Variants in HECW1 observed in about 807,000 individuals in gnomAD.
The protein encoded by HECW1 is HECT, C2 and WW domain containing E3 ubiquitin protein ligase 1.
A neutral mutation model predicts 182.3 loss-of-function variants in HECW1; 61 were observed. That is an observed-to-expected ratio of 0.33 (90% CI 0.27 to 0.41). The LOEUF (loss-of-function observed/expected upper bound fraction) is 0.41. Ranked by LOEUF, HECW1 falls within the 10% of genes least tolerant of loss-of-function variation. The probability of loss-of-function intolerance (pLI) is 1.00; values close to 1 mark genes in which losing one functional copy is unlikely to be tolerated. For missense variants in HECW1, 1,739 were observed against 2,108.9 expected, an observed-to-expected ratio of 0.82 and a Z score of 3.44; for synonymous variants, 859 against 832.6, an observed-to-expected ratio of 1.03 and a Z score of -0.55.
intron 3 of HECW1, among the ~76,000 whole-genome samples, chr7:43,310,146 A>G (rs532167737): frequency 2.8e-4 from 43 of 152,298 alleles, no homozygotes; most frequent in African/African-American, 1.0e-3. Flanking sequence ...AGTATGTGGG[A>G]ACTAAACAAA....
intron 2 of HECW1, among the ~76,000 whole-genome samples, chr7:43,174,883 A>C (rs1476446585): frequency 1.3e-5 from 2 of 152,208 alleles, no homozygotes; most frequent in Non-Finnish European, 2.9e-5. Flanking sequence ...ACTCAGATGG[A>C]ATATACTTAC....
intron 9 of HECW1, among the ~76,000 whole-genome samples, chr7:43,441,503 G>A (rs2076885896): frequency 6.6e-6 from 1 of 152,140 alleles, no homozygotes; most frequent in Admixed American, 6.5e-5. Flanking sequence ...TTGGAAAATG[G>A]CAATCTGCAC....
rs571229567 is a variant in HECW1 at position 43,444,389 on chromosome 7, G to A, written c.1217G>A (p.Gly406Glu). The change falls in exon 11 of 30, where the codon GGG becomes GAG. Residue 406 changes from glycine (G) to glutamate (E), a missense_variant. Gly to Glu is a moderately conservative substitution (Grantham distance 98). Around this residue, in one of 5 missense-constraint regions of HECW1, gnomAD observed 971 missense variants for 1,029.1 expected, o/e 0.94. Coordinates refer to ENST00000395891, the MANE Select transcript of HECW1 (RefSeq NM_015052.5). This position sits in a 1 kb window ranked among gnomAD's most constrained non-coding sequence, Gnocchi z 4.3. The stretch of plus-strand genomic sequence containing the variant: ...GAGGGCAGTGTCCCCGATGGTCCAG[G>A]GAACCAAAGCATAGAGCTTTCCAGA... Reference protein sequence around the residue: ...LGEGSVPDGPGNQSIELSRPA... With the variant: ...LGEGSVPDGPENQSIELSRPA... 7.4e-6 allele frequency: 12 copies of A among 1,614,070 alleles called. No individual in the cohort carries two copies. In the South Asian group the frequency reaches 1.3e-4, roughly 18 times the overall value.
intron 7 of HECW1, among the ~76,000 whole-genome samples, chr7:43,397,624 G>C (rs2075273413): frequency 6.6e-6 from 1 of 152,164 alleles, no homozygotes; most frequent in Non-Finnish European, 1.5e-5. Context: ...ACATTTCAAG[G>C]GTGGGGAGAA....
intron 3 of HECW1, among the ~76,000 whole-genome samples, chr7:43,251,749 T>C (rs1193421532): frequency 1.3e-5 from 2 of 152,226 alleles, no homozygotes; most frequent in East Asian, 3.8e-4. Flanking sequence ...CTTTTCTCCC[T>C]TATACAATTC....
At chr7:43,145,945 C>G (rs542740408) in intron 2 of HECW1, among the ~76,000 whole-genome samples, 1 of 152,126 alleles carries the variant, frequency 6.6e-6, no homozygotes, top group East Asian at 1.9e-4. Flanking sequence ...CTTCCTTGCA[C>G]AGTGGTATGC....
chr7:43,501,424 G>A, intron 21 of HECW1, 102 bp downstream of exon 21: 1 of 637,564 alleles, frequency 1.6e-6, no homozygotes, highest in Non-Finnish European at 2.8e-6. Context: ...CTTTCTCTCG[G>A]CCTTCCCAAT....
intron 15 of HECW1, among the ~76,000 whole-genome samples, chr7:43,467,273 G>A (rs2077818527): frequency 6.6e-6 from 1 of 152,016 alleles, no homozygotes; most frequent in Non-Finnish European, 1.5e-5. Context: ...AGAGTGCTCT[G>A]GGGGCGCCAG....
chr7:43,464,763 C>T lies in HECW1; in HGVS notation c.2791+964C>T, dbSNP rs537500478. 2.0e-5 allele frequency among the ~76,000 whole-genome samples: 3 copies of T among 152,188 alleles called. No individual in the cohort carries two copies. In the South Asian group the frequency reaches 6.2e-4, roughly 32 times the overall value. On this transcript the variant is annotated intron_variant, in intron 14 of 29. Coordinates refer to ENST00000395891, the MANE Select transcript of HECW1 (RefSeq NM_015052.5). Reference sequence around the variant, plus strand: ...AATTTCCCCCTTTCTATTCATTTTACCAGGTATGCTAACTAAACTGACTAG... The same window carrying T: ...AATTTCCCCCTTTCTATTCATTTTATCAGGTATGCTAACTAAACTGACTAG...
At position 43,422,065 on chromosome 7, in the gene HECW1, C is replaced by T. The variant is rs528671035; in HGVS notation, c.801+14334C>T. Reference sequence around the variant, plus strand: ...GAAGAACATCAAACAAACAGTACAGCGAGCTCAGGGTGTTTTCTAATGCTG... The same window carrying T: ...GAAGAACATCAAACAAACAGTACAGTGAGCTCAGGGTGTTTTCTAATGCTG... On this transcript the variant is annotated intron_variant, in intron 8 of 29. Transcript: ENST00000395891. Among the ~76,000 whole-genome samples the T allele has an allele frequency of 2.4e-4, 37 of 152,200 alleles. No homozygotes were observed. The South Asian group carries it at 6.9e-3, about 28-fold the overall frequency.
chr7:43,186,967 A>G (rs1306631876), intron 2 of HECW1, among the ~76,000 whole-genome samples: 1 of 152,226 alleles, frequency 6.6e-6, no homozygotes, highest in Non-Finnish European at 1.5e-5. Flanking sequence ...ACATGAATGT[A>G]TTGATGATTT....
chr7:43,280,525 T>G (rs1214036107), intron 3 of HECW1, among the ~76,000 whole-genome samples: 2 of 152,166 alleles, frequency 1.3e-5, no homozygotes, highest in Non-Finnish European at 2.9e-5. Context: ...TGTCTTTTAT[T>G]TGATGAATTG....
chr7:43,542,129 ATCCAATCTCC>A lies in HECW1; in HGVS notation c.4248+132_4248+141del, dbSNP rs202128652. The A allele has an allele frequency of 4.3e-3, 3,226 of 744,966 alleles. 124 individuals carry two copies. In the East Asian group the frequency reaches 0.079, roughly 18 times the overall value. 46.1% of individuals were successfully genotyped at this position (744,966 alleles called of 1,614,324 possible). A position where few individuals can be genotyped will look rare whatever the true frequency, so the allele number is the denominator to read the frequency against. On this transcript the variant is annotated intron_variant, in intron 26 of 29. Coordinates refer to ENST00000395891, the MANE Select transcript of HECW1 (RefSeq NM_015052.5). ...CTTCAGTATATCCACATTGTTGGCC[ATCCAATCTCC>A]AGAACTTTTTCATCTTGCAAAACAG...
chr7:43,480,705 A>C (rs2152907842), intron 17 of HECW1, among the ~76,000 whole-genome samples: 1 of 150,510 alleles, frequency 6.6e-6, no homozygotes, highest in African/African-American at 2.4e-5. Flanking sequence ...ATACACACAC[A>C]CACACATATA....
intron 15 of HECW1, 140 bp downstream of exon 15, chr7:43,466,708 T>C (rs1336523806): frequency 1.0e-6 from 1 of 983,802 alleles, no homozygotes; most frequent in African/African-American, 1.6e-5. Flanking sequence ...CAGTCCACTC[T>C]TTTGACTATC....
At chr7:43,474,332 C>G (rs2078139895) in intron 16 of HECW1, among the ~76,000 whole-genome samples, 1 of 152,078 alleles carries the variant, frequency 6.6e-6, no homozygotes, top group Non-Finnish European at 1.5e-5. Context: ...GCCTGTAGTC[C>G]CAGCTACTCG....
chr7:43,168,671 T>G (rs917205781), intron 2 of HECW1, among the ~76,000 whole-genome samples: 10 of 151,736 alleles, frequency 6.6e-5, no homozygotes, highest in Non-Finnish European at 1.0e-4. Context: ...AAAATAATAA[T>G]AAGAATAATA....
intron 2 of HECW1, among the ~76,000 whole-genome samples, chr7:43,224,097 G>A (rs1232009529): frequency 6.6e-6 from 1 of 152,180 alleles, no homozygotes; most frequent in Non-Finnish European, 1.5e-5. Context: ...TAGAATGTAA[G>A]CTCTGTGACT....
chr7:43,511,225 T>C (rs2079850636), intron 24 of HECW1: 1 of 152,332 alleles, frequency 6.6e-6, no homozygotes, highest in African/African-American at 2.4e-5. Context: ...CTGAGTTTCA[T>C]CCACTGATGT....
Sources: allele counts gnomAD v4.1 joint callset (sites outside exome capture counted in the v4.1 genomes callset), GRCh38; gene constraint gnomAD v4.1.1; regional missense constraint gnomAD v4.1.1; non-coding constraint Gnocchi (gnomAD v3.1); transcripts MANE v1.5; gene names NCBI Gene and HGNC (gene_info 2026-07-23, HGNC 2026-07-21).